The following XKR9 variants were observed in gnomAD, a reference collection of about 807,000 sequenced individuals.
The protein encoded by XKR9 is XK-related protein 9.
Under a neutral mutation model 32.0 loss-of-function variants are expected in XKR9, and 32 were observed. The ratio of observed to expected loss-of-function variants is 1.00; its 90% confidence interval spans 0.76 to 1.34. The LOEUF is 1.34. Ranked by LOEUF, XKR9 falls within the 40% of genes most tolerant of loss-of-function variation. XKR9 has a pLI of 0.00. For missense variants in XKR9, 546 were observed against 429.7 expected (o/e 1.27, Z -2.39); for synonymous variants, 168 against 143.4 (o/e 1.17, Z -1.22).
At chr8:71,039,189 A>G in the XKR9 span, among the ~76,000 whole-genome samples, 18 of 152,268 alleles carry the variant, frequency 1.2e-4, 1 homozygote, top group East Asian at 3.5e-3. Context: ...AGGTGGTTAG[A>G]CAGGGTTACA....
the XKR9 span, among the ~76,000 whole-genome samples, chr8:70,816,681 CTCAACAGAA>C: frequency 3.3e-5 from 5 of 152,168 alleles, no homozygotes; most frequent in Admixed American, 2.6e-4. Context: ...CAGTGGACTT[CTCAACAGAA>C]TCCTTGCAAG....
At chr8:70,917,644 G>GGCTGAATCT in the XKR9 span, among the ~76,000 whole-genome samples, 2 of 152,110 alleles carry the variant, frequency 1.3e-5, no homozygotes, top group Non-Finnish European at 2.9e-5. Context: ...CGAATGACAT[G>GGCTGAATCT]GCTGAATCTA....
the XKR9 span, among the ~76,000 whole-genome samples, chr8:70,800,661 T>C: frequency 6.6e-6 from 1 of 152,092 alleles, no homozygotes; most frequent in Non-Finnish European, 1.5e-5. Context: ...AATTTTTGTA[T>C]TTTTAGTAGA....
chr8:71,021,354 C>T, the XKR9 span, among the ~76,000 whole-genome samples: 2 of 152,058 alleles, frequency 1.3e-5, no homozygotes, highest in South Asian at 2.1e-4. Flanking sequence ...GTTTTTTGCT[C>T]GTTTTTATTG....
the XKR9 span, among the ~76,000 whole-genome samples, chr8:70,854,583 A>G: frequency 1.3e-5 from 2 of 152,184 alleles, no homozygotes; most frequent in Admixed American, 6.6e-5. Context: ...TGTTTTAGTC[A>G]TGAAATCCTT....
At chr8:70,889,147 G>A in the XKR9 span, among the ~76,000 whole-genome samples, 2 of 151,132 alleles carry the variant, frequency 1.3e-5, no homozygotes, top group East Asian at 3.9e-4. Context: ...TATAGATTTT[G>A]TTGTCAAGAT....
chr8:70,926,072 C>A, the XKR9 span, among the ~76,000 whole-genome samples: 4 of 152,074 alleles, frequency 2.6e-5, no homozygotes, highest in African/African-American at 9.7e-5. Context: ...TAACCAATTT[C>A]TTTTTTCTAA....
chr8:71,045,523 T>C, the XKR9 span, among the ~76,000 whole-genome samples: 1 of 152,210 alleles, frequency 6.6e-6, no homozygotes, highest in Non-Finnish European at 1.5e-5. Flanking sequence ...TTTCACTTTC[T>C]TAGTAAAATG....
At chr8:70,889,826 G>A in the XKR9 span, among the ~76,000 whole-genome samples, 2 of 151,970 alleles carry the variant, frequency 1.3e-5, no homozygotes, top group African/African-American at 4.8e-5. Context: ...ATTGTTGATA[G>A]GCACTTAGGT....
the XKR9 span, among the ~76,000 whole-genome samples, chr8:70,877,710 A>G: frequency 6.6e-6 from 1 of 152,230 alleles, no homozygotes; most frequent in East Asian, 1.9e-4. Context: ...AGTGATGGGG[A>G]GAATGGAACC....
chr8:70,966,597 T>C, the XKR9 span, among the ~76,000 whole-genome samples: 49 of 152,194 alleles, frequency 3.2e-4, no homozygotes, highest in Non-Finnish European at 1.5e-5. Flanking sequence ...TCTGTTGTTT[T>C]TGTTTTGGGT....
downstream of XKR9, among the ~76,000 whole-genome samples, chr8:70,795,235 G>A (rs771298094): frequency 2.0e-5 from 3 of 151,954 alleles, no homozygotes; most frequent in Non-Finnish European, 4.4e-5. Context: ...ACGATATTTG[G>A]TTTTCTGTTC....
the XKR9 span, among the ~76,000 whole-genome samples, chr8:70,893,473 A>G: frequency 6.6e-6 from 1 of 152,080 alleles, no homozygotes; most frequent in Non-Finnish European, 1.5e-5. Context: ...ATCTCTTTCA[A>G]ACTTTCTAGT....
the XKR9 span, among the ~76,000 whole-genome samples, chr8:71,057,493 G>C: frequency 6.6e-6 from 1 of 152,200 alleles, no homozygotes; most frequent in African/African-American, 2.4e-5. Context: ...GTATTTTGTA[G>C]TACTTTGTTT....
At chr8:70,882,975 A>G in the XKR9 span, among the ~76,000 whole-genome samples, 1 of 150,894 alleles carries the variant, frequency 6.6e-6, no homozygotes, top group African/African-American at 2.4e-5. Flanking sequence ...TATTTCTTCT[A>G]TGTTGTTTTA....
chr8:70,769,271 G>A (rs7826100), intron 2 of XKR9, among the ~76,000 whole-genome samples: 49,764 of 149,098 alleles, frequency 0.33, 9,313 homozygotes, highest in Non-Finnish European at 0.43. Flanking sequence ...GGCCCCCACT[G>A]TCTTCTGGCT....
chr8:71,016,834 G>A, the XKR9 span, among the ~76,000 whole-genome samples: 2 of 118,864 alleles, frequency 1.7e-5, no homozygotes, highest in Admixed American at 7.7e-5. Context: ...TTGGTCATAT[G>A]CTCTTTTTTT....
the XKR9 span, among the ~76,000 whole-genome samples, chr8:70,982,162 G>T: frequency 4.6e-5 from 7 of 152,226 alleles, no homozygotes; most frequent in Non-Finnish European, 1.0e-4. Flanking sequence ...ATCAGCTGAG[G>T]TACTGTAGGG....
At chr8:70,830,769 A>G in the XKR9 span, among the ~76,000 whole-genome samples, 1 of 152,206 alleles carries the variant, frequency 6.6e-6, no homozygotes, top group East Asian at 1.9e-4. Flanking sequence ...TCTCACAACT[A>G]CCTTATGAAG....
Sources: allele counts gnomAD v4.1 joint callset (sites outside exome capture counted in the v4.1 genomes callset), GRCh38; gene constraint gnomAD v4.1.1; transcripts MANE v1.5; gene names NCBI Gene and HGNC (gene_info 2026-07-23, HGNC 2026-07-21).